Variants in CEP128 observed in about 807,000 individuals in gnomAD.
CEP128 encodes centrosomal protein 128kDa.
In CEP128, 132 loss-of-function variants were observed where a neutral mutation model predicts 156.7. The observed-to-expected ratio is 0.84, with a 90% CI of 0.73 to 0.97. The LOEUF (loss-of-function observed/expected upper bound fraction) is 0.97, where lower values mean the gene tolerates loss of function less well. Ranked by LOEUF, CEP128 falls within the 50% of genes least tolerant of loss-of-function variation. CEP128 has a pLI of 0.00. For synonymous variants in CEP128, 469 were observed against 448.9 expected (o/e 1.04, Z -0.57); for missense variants, 1,252 against 1,281.9 (o/e 0.98, Z 0.36).
At chr14:80,587,945 T>C (rs977015575) in intron 19 of CEP128, among the ~76,000 whole-genome samples, 1 of 152,146 alleles carries the variant, frequency 6.6e-6, no homozygotes, top group Non-Finnish European at 1.5e-5. Flanking sequence ...TATGCTCTGT[T>C]CTTGTTCTAG....
chr14:80,938,021 C>T (rs764602534), intron 2 of CEP128, among the ~76,000 whole-genome samples: 11 of 152,032 alleles, frequency 7.2e-5, no homozygotes, highest in African/African-American at 1.4e-4. Flanking sequence ...CTCAGCCTCC[C>T]GAGTAGCAGG....
intron 23 of CEP128, among the ~76,000 whole-genome samples, chr14:80,525,672 G>A (rs572519427): frequency 6.6e-6 from 1 of 152,076 alleles, no homozygotes; most frequent in Admixed American, 6.6e-5. Context: ...TGAATATACG[G>A]ATCTATTAAA....
intron 14 of CEP128, among the ~76,000 whole-genome samples, chr14:80,786,841 GCA>G (rs1901434003): frequency 6.6e-6 from 1 of 152,104 alleles, no homozygotes; most frequent in African/African-American, 2.4e-5. Context: ...AGGCCCAGTG[GCA>G]CACCCTATAA....
At chr14:80,670,866 C>T (rs1400939577) in intron 19 of CEP128, among the ~76,000 whole-genome samples, 1 of 152,046 alleles carries the variant, frequency 6.6e-6, no homozygotes, top group East Asian at 1.9e-4. Flanking sequence ...TGAAATAAGT[C>T]ATGGAATGTA....
At chr14:80,867,627 C>T (rs887529556) in intron 8 of CEP128, among the ~76,000 whole-genome samples, 1 of 151,458 alleles carries the variant, frequency 6.6e-6, no homozygotes, top group African/African-American at 2.4e-5. Flanking sequence ...AGATCATGAG[C>T]TCAAAGACAG....
chr14:80,845,307 G>A (rs528568437), intron 9 of CEP128, among the ~76,000 whole-genome samples: 10 of 152,050 alleles, frequency 6.6e-5, no homozygotes, highest in Non-Finnish European at 1.3e-4. Flanking sequence ...TGCTTTTACT[G>A]GAACAGATTA....
In CEP128 at chr14:80,892,347, G is replaced by A. The variant is rs372366576; in HGVS notation, c.645+3371C>T. Among the ~76,000 whole-genome samples, 9 of 151,802 alleles carry A rather than the reference G, an allele frequency of 5.9e-5. No individual in the cohort carries two copies. The East Asian group carries it at 1.7e-3, about 29-fold the overall frequency. ...TTCAATAAATGGTGCTAAGAAAACT[G>A]GAATTTCACACACAAAAGAATCTGA... On this transcript the variant is annotated intron_variant, in intron 8 of 24. Transcript: ENST00000555265.
intron 8 of CEP128, among the ~76,000 whole-genome samples, chr14:80,885,097 C>T (rs1888733259): frequency 1.3e-5 from 2 of 152,192 alleles, no homozygotes; most frequent in African/African-American, 4.8e-5. Context: ...CTGGGCAGGA[C>T]ATCTCTGAAA....
intron 8 of CEP128, chr14:80,894,813 T>G: frequency 3.4e-6 from 1 of 293,690 alleles, no homozygotes; most frequent in East Asian, 9.7e-5. Context: ...AGTTGATCTT[T>G]TTATCTCCTA....
chr14:80,762,353 T>A (rs1464262266), intron 16 of CEP128, among the ~76,000 whole-genome samples: 1 of 152,128 alleles, frequency 6.6e-6, no homozygotes, highest in Non-Finnish European at 1.5e-5. Flanking sequence ...ATTGTATGTC[T>A]AAATGGTGGA....
chr14:80,596,842 A>AAG (rs1555379468), intron 19 of CEP128, among the ~76,000 whole-genome samples: 1,331 of 69,608 alleles, frequency 0.019, no homozygotes, highest in Non-Finnish European at 0.028. Flanking sequence ...AAAAAAAAAA[A>AAG]GGTGGGGGGG....
chr14:80,604,580 C>T (rs193047946), intron 19 of CEP128, among the ~76,000 whole-genome samples: 36 of 152,198 alleles, frequency 2.4e-4, no homozygotes, highest in African/African-American at 7.2e-5. Flanking sequence ...TAACATTATT[C>T]GAATCTCAGC....
intron 21 of CEP128, among the ~76,000 whole-genome samples, chr14:80,546,482 A>G (rs1889991832): frequency 6.6e-6 from 1 of 152,228 alleles, no homozygotes; most frequent in African/African-American, 2.4e-5. Context: ...TAGAAGTAGG[A>G]GCTTTGAAGT....
intron 8 of CEP128, among the ~76,000 whole-genome samples, chr14:80,888,427 C>T (rs926645786): frequency 2.6e-5 from 4 of 152,204 alleles, no homozygotes; most frequent in African/African-American, 9.7e-5. Context: ...AAATGCTTAT[C>T]CACCACGATC....
chr14:80,491,108 C>G (rs1887308283), intron 6 of CEP128, among the ~76,000 whole-genome samples: 1 of 152,200 alleles, frequency 6.6e-6, no homozygotes, highest in Non-Finnish European at 1.5e-5. Flanking sequence ...GATTTACCCT[C>G]AGTGGAATCT....
intron 19 of CEP128, among the ~76,000 whole-genome samples, chr14:80,719,693 A>G (rs940857643): frequency 1.3e-5 from 2 of 152,192 alleles, no homozygotes; most frequent in African/African-American, 4.8e-5. Flanking sequence ...AGTCACCCCA[A>G]TGAGTTTTTA....
At chr14:80,504,279 A>G (rs1364375610) in intron 24 of CEP128, among the ~76,000 whole-genome samples, 4 of 152,226 alleles carry the variant, frequency 2.6e-5, no homozygotes. Flanking sequence ...CTCAAGATAT[A>G]AAGAAAAATT....
chr14:80,488,606 C>T (rs141211916), downstream of CEP128, among the ~76,000 whole-genome samples: 49 of 152,116 alleles, frequency 3.2e-4, no homozygotes, highest in Admixed American at 2.4e-3. Context: ...ACTAGAAATA[C>T]GGTTTGACCC....
chr14:80,490,929 G>A (rs1477707930), intron 6 of CEP128, among the ~76,000 whole-genome samples: 4 of 152,066 alleles, frequency 2.6e-5, no homozygotes, highest in African/African-American at 7.2e-5. Context: ...GATCGTTGGC[G>A]CCATCACCAA....
Sources: allele counts gnomAD v4.1 joint callset (sites outside exome capture counted in the v4.1 genomes callset), GRCh38; gene constraint gnomAD v4.1.1; transcripts MANE v1.5; gene names NCBI Gene and HGNC (gene_info 2026-07-23, HGNC 2026-07-21).